Variants in MSRA observed in about 807,000 individuals in gnomAD.
The protein encoded by MSRA is mitochondrial peptide methionine sulfoxide reductase.
A neutral mutation model predicts 31.3 loss-of-function variants in MSRA; 54 were observed. That is an observed-to-expected ratio of 1.73 (90% CI 1.39 to 2.17). The LOEUF (loss-of-function observed/expected upper bound fraction) is 2.17, where lower values mean the gene tolerates loss of function less well. Ranked by LOEUF, MSRA falls within the 30% of genes most tolerant of loss-of-function variation. MSRA has a pLI of 0.00. For missense variants in MSRA, 507 were observed against 300.9 expected, an observed-to-expected ratio of 1.69 and a Z score of -5.07; for synonymous variants, 169 against 116.5, an observed-to-expected ratio of 1.45 and a Z score of -2.90.
At chr8:10,323,731 A>G (rs1278351395) in intron 5 of MSRA, among the ~76,000 whole-genome samples, 1 of 114,112 alleles carries the variant, frequency 8.8e-6, no homozygotes, top group Non-Finnish European at 2.1e-5. Flanking sequence ...ACCCAAGCAC[A>G]TGGGAATTAA....
In MSRA at chr8:10,111,143, G is replaced by C. The variant is rs1402824962; in HGVS notation, c.142+56485G>C. On this transcript the variant is annotated intron_variant, in intron 1 of 5. Coordinates refer to ENST00000317173, the MANE Select transcript of MSRA (RefSeq NM_012331.5). ...TTTCCGTGTTATCCAGGGACGGGGT[G>C]GATCAACTTTGATCATTTGGACCTG... Among the ~76,000 whole-genome samples the C allele has an allele frequency of 2.0e-5, 3 of 152,150 alleles. No homozygotes were observed. In the East Asian group the frequency reaches 5.8e-4, roughly 29 times the overall value.
intron 3 of MSRA, among the ~76,000 whole-genome samples, chr8:10,299,198 A>G (rs1223662406): frequency 6.6e-6 from 1 of 152,120 alleles, no homozygotes; most frequent in African/African-American, 2.4e-5. Flanking sequence ...ACATAGGAAG[A>G]AATACATGTA....
intron 2 of MSRA, among the ~76,000 whole-genome samples, chr8:10,239,484 A>G (rs150590104): frequency 5.9e-5 from 9 of 152,198 alleles, no homozygotes; most frequent in Non-Finnish European, 1.2e-4. Flanking sequence ...AAGCCCATCC[A>G]ATTGGCAAAT....
chr8:10,079,417 A>C (rs926003239), intron 1 of MSRA, among the ~76,000 whole-genome samples: 1 of 152,066 alleles, frequency 6.6e-6, no homozygotes, highest in Admixed American at 6.5e-5. Context: ...GGCCTCCCAA[A>C]GTGCTGGACT....
At chr8:10,396,039 G>GCTCC (rs1807076958) in intron 5 of MSRA, among the ~76,000 whole-genome samples, 1 of 152,148 alleles carries the variant, frequency 6.6e-6, no homozygotes, top group African/African-American at 2.4e-5. Flanking sequence ...CTCTAAGGCA[G>GCTCC]CTCCCTCCCT....
chr8:10,209,754 G>T (rs1287181776), intron 2 of MSRA, among the ~76,000 whole-genome samples: 1 of 152,172 alleles, frequency 6.6e-6, no homozygotes, highest in African/African-American at 2.4e-5. Context: ...ACGCCTTCAG[G>T]ACTGAAAGCT....
intron 5 of MSRA, among the ~76,000 whole-genome samples, chr8:10,385,957 G>C (rs1012572531): frequency 6.6e-6 from 1 of 152,110 alleles, no homozygotes; most frequent in African/African-American, 2.4e-5. Flanking sequence ...AAAGAAAAAG[G>C]TGGCTTTCTG....
intron 5 of MSRA, among the ~76,000 whole-genome samples, chr8:10,328,102 A>G (rs889451162): frequency 1.4e-5 from 2 of 139,290 alleles, no homozygotes; most frequent in Admixed American, 1.5e-4. Flanking sequence ...TAGGGTCTAG[A>G]ACTACCCTCT....
chr8:10,368,965 C>T (rs1260020382), intron 5 of MSRA, among the ~76,000 whole-genome samples: 1 of 152,164 alleles, frequency 6.6e-6, no homozygotes, highest in Non-Finnish European at 1.5e-5. Context: ...GGTTCTAGGG[C>T]ACAGCTGTGA....
chr8:10,336,668 A>G (rs1485572437), intron 5 of MSRA: 1 of 152,182 alleles, frequency 6.6e-6, no homozygotes, highest in Non-Finnish European at 1.5e-5. Context: ...TAGCCTTTTG[A>G]TGTAGATTCC....
Position 10,245,131 on chromosome 8 carries a change from G to T in MSRA, c.239G>T (p.Arg80Met). 1 of 1,613,220 alleles carries T rather than the reference G, an allele frequency of 6.2e-7. No homozygotes were observed. The highest frequency in any genetic ancestry group is 8.5e-7 in the Non-Finnish European group (1 of 1,179,708). The stretch of plus-strand genomic sequence containing the variant: ...ATGGGATGTTTCTGGGGAGCTGAAA[G>T]GAAATTCTGGGTCTTGAAAGGAGTG... ...FGMGCFWGAE[R>M]KFWVLKGVYS... The change falls in exon 3 of 6, where the codon AGG becomes ATG. Residue 80 changes from arginine to methionine, a missense_variant. Coordinates refer to ENST00000317173, the MANE Select transcript of MSRA (RefSeq NM_012331.5).
At chr8:10,075,845 T>G (rs925987880) in intron 1 of MSRA, among the ~76,000 whole-genome samples, 1 of 152,228 alleles carries the variant, frequency 6.6e-6, no homozygotes, top group African/African-American at 2.4e-5. Flanking sequence ...GGTACCACTT[T>G]CCTCTCTTTT....
chr8:10,292,672 C>A (rs970824901), intron 3 of MSRA, among the ~76,000 whole-genome samples: 1 of 152,196 alleles, frequency 6.6e-6, no homozygotes, highest in African/African-American at 2.4e-5. Flanking sequence ...TTCCTGGGGT[C>A]CCCAGCTCAG....
At chr8:10,210,003 A>G (rs1809331113) in intron 2 of MSRA, among the ~76,000 whole-genome samples, 1 of 152,192 alleles carries the variant, frequency 6.6e-6, no homozygotes, top group Non-Finnish European at 1.5e-5. Context: ...CAAGCATTTT[A>G]TATTAATGTC....
At chr8:10,166,639 T>G (rs1265225538) in intron 1 of MSRA, among the ~76,000 whole-genome samples, 4 of 152,210 alleles carry the variant, frequency 2.6e-5, no homozygotes, top group African/African-American at 9.6e-5. Context: ...TTGCATTCTG[T>G]GGGCTGGGGA....
At position 10,405,649 on chromosome 8, in the gene MSRA, G is replaced by A. The variant is rs140229388; in HGVS notation, c.544-22499G>A. On this transcript the variant is annotated intron_variant, in intron 5 of 5. Transcript: ENST00000317173. Reference sequence around the variant, plus strand: ...TGATCAGAGTGCCAGAGTGAGTGATGGGAGTGGGAGCAGAGAGGTGAGGCT... The same window carrying A: ...TGATCAGAGTGCCAGAGTGAGTGATAGGAGTGGGAGCAGAGAGGTGAGGCT... Among the ~76,000 whole-genome samples, 322 of 152,352 alleles carry A rather than the reference G, an allele frequency of 2.1e-3. 1 individual carries two copies. Among genetic ancestry groups the A allele is most frequent in the African/African-American group, 7.5e-3 (313 of 41,578 alleles).
intron 1 of MSRA, among the ~76,000 whole-genome samples, chr8:10,197,905 G>A (rs1298659720): frequency 1.4e-4 from 21 of 152,178 alleles, no homozygotes. Context: ...CCACAACCCT[G>A]GGAAGAAAAG....
At chr8:10,353,668 A>C in intron 5 of MSRA, 1 of 456,242 alleles carries the variant, frequency 2.2e-6, no homozygotes, top group South Asian at 1.5e-5. Flanking sequence ...CTGCAGACGG[A>C]GGGAAGATGA....
At chr8:10,388,062 A>G (rs1456444694) in intron 5 of MSRA, among the ~76,000 whole-genome samples, 1 of 152,240 alleles carries the variant, frequency 6.6e-6, no homozygotes, top group East Asian at 1.9e-4. Flanking sequence ...GTAACAAAAG[A>G]CAATTAACAA....
Sources: gnomAD v4.1 joint callset for allele counts (sites outside exome capture counted in the v4.1 genomes callset) on GRCh38, gnomAD v4.1.1 for gene constraint, MANE v1.5 for transcripts, NCBI Gene and HGNC (gene_info 2026-07-23, HGNC 2026-07-21) for gene names.